Variants in CRIM1 observed in about 807,000 individuals in gnomAD.
CRIM1 encodes the protein cysteine-rich motor neuron 1 protein.
A neutral mutation model predicts 116.4 loss-of-function variants in CRIM1; 32 were observed. That is an observed-to-expected ratio of 0.27 (90% CI 0.21 to 0.37). The LOEUF (loss-of-function observed/expected upper bound fraction) is 0.37. Ranked by LOEUF, CRIM1 falls within the 10% of genes least tolerant of loss-of-function variation. CRIM1 has a pLI of 1.00. For synonymous variants in CRIM1, 590 were observed against 509.2 expected, an observed-to-expected ratio of 1.16 and a Z score of -2.13; for missense variants, 1,331 against 1,354.8, an observed-to-expected ratio of 0.98 and a Z score of 0.28.
chr2:36,513,540 C>A lies in CRIM1; in HGVS notation c.1781-16C>A, dbSNP rs750061861. ...CAGTAGCCACTTCTTTACCAGGCTGCCTTTTGTCTGTCCAGAGGCCTCTGC... is the reference window on the plus strand; with the variant it reads ...CAGTAGCCACTTCTTTACCAGGCTGACTTTTGTCTGTCCAGAGGCCTCTGC... On this transcript the variant is annotated splice_polypyrimidine_tract_variant and intron_variant, in intron 10 of 16. Transcript: ENST00000280527. The A allele has an allele frequency of 1.2e-6, 2 of 1,611,942 alleles. No individual in the cohort carries two copies. Among genetic ancestry groups the A allele is most frequent in the South Asian group, 2.2e-5 (2 of 91,000 alleles).
intron 7 of CRIM1, among the ~76,000 whole-genome samples, chr2:36,488,014 T>C (rs558871088): frequency 4.6e-5 from 7 of 152,330 alleles, no homozygotes; most frequent in Non-Finnish European, 8.8e-5. Flanking sequence ...TTTAGTATTT[T>C]AGTTATCCAA....
At chr2:36,382,705 G>T (rs73922897) in intron 1 of CRIM1, among the ~76,000 whole-genome samples, 2,136 of 152,326 alleles carry the variant, frequency 0.014, 61 homozygotes, top group African/African-American at 0.049. Context: ...GTTGGCCTGT[G>T]TCTCCTGGCT....
At chr2:36,445,672 C>A (rs1676185122) in intron 4 of CRIM1, among the ~76,000 whole-genome samples, 1 of 152,010 alleles carries the variant, frequency 6.6e-6, no homozygotes, top group Non-Finnish European at 1.5e-5. Context: ...TGGCTTAGAC[C>A]CATTCAGCCT....
At chr2:36,516,733 T>A (rs1234761866) in intron 11 of CRIM1, among the ~76,000 whole-genome samples, 1 of 152,136 alleles carries the variant, frequency 6.6e-6, no homozygotes, top group East Asian at 1.9e-4. Context: ...AGCATAAAAG[T>A]ACTCAGGATC....
rs1331063217 is a variant in CRIM1, at chr2:36,513,581, C to A, written c.1806C>A (p.Pro602=). 1 of 1,614,144 alleles carries A rather than the reference C, an allele frequency of 6.2e-7. No homozygotes were observed. The highest frequency in any genetic ancestry group is 1.1e-5 in the South Asian group (1 of 91,066). ...AGGCCTCTGCTTCAGCTGGGCCACC[C>A]ATCCTGTCGGGCACTTGTCTCACCG... ...CREASASAGP[P]ILSGTCLTVD... is the part of the protein sequence containing the mutation. The change falls in exon 11 of 17, where the codon CCC becomes CCA. Residue 602 remains proline, a synonymous_variant. Coordinates refer to ENST00000280527, the MANE Select transcript of CRIM1 (RefSeq NM_016441.3).
chr2:36,413,613 T>C (rs574348974), intron 2 of CRIM1, among the ~76,000 whole-genome samples: 1 of 152,174 alleles, frequency 6.6e-6, no homozygotes, highest in South Asian at 2.1e-4. Flanking sequence ...AAATTGCGTA[T>C]AAAATTAGAT....
At chr2:36,444,905 C>T (rs940175076) in intron 4 of CRIM1, among the ~76,000 whole-genome samples, 1 of 152,140 alleles carries the variant, frequency 6.6e-6, no homozygotes, top group East Asian at 1.9e-4. Flanking sequence ...ACTCTTCGGC[C>T]CCTGAAGATG....
intron 8 of CRIM1, among the ~76,000 whole-genome samples, chr2:36,501,736 C>CAA (rs57220540): frequency 2.7e-5 from 4 of 147,972 alleles, no homozygotes; most frequent in African/African-American, 9.9e-5. Flanking sequence ...AACTAACAAA[C>CAA]AAAAAAAAAA....
chr2:36,391,144 T>C (rs1671558194), intron 1 of CRIM1, among the ~76,000 whole-genome samples: 1 of 78,650 alleles, frequency 1.3e-5, no homozygotes, highest in Non-Finnish European at 2.4e-5. Flanking sequence ...TTTTTTTTTT[T>C]TTTGAGTTGG....
In CRIM1 at chr2:36,356,244, C is replaced by T. The variant is rs1668783107; in HGVS notation, c.-49C>T. The stretch of plus-strand genomic sequence containing the variant: ...TGCCCCGCGCAGGGGAGGGCGCCCG[C>T]CCCGCTCCCGGCCCGGCTGCGAGGA... On this transcript the variant is annotated 5_prime_UTR_variant, in exon 1 of 17. Coordinates refer to ENST00000280527, the MANE Select transcript of CRIM1 (RefSeq NM_016441.3). This position sits in a 1 kb window ranked among gnomAD's most constrained non-coding sequence, Gnocchi z 4.3. The T allele has an allele frequency of 8.5e-7, 1 of 1,174,680 alleles. No individual in the cohort carries two copies. The highest frequency in any genetic ancestry group is 1.6e-5 in the African/African-American group (1 of 61,238). 72.8% of individuals were successfully genotyped at this position (1,174,680 alleles called of 1,614,324 possible).
chr2:36,527,831 T>C (rs1042631295), intron 13 of CRIM1, among the ~76,000 whole-genome samples: 7 of 152,220 alleles, frequency 4.6e-5, no homozygotes, highest in Admixed American at 2.0e-4. Context: ...CCCACCTTCA[T>C]TGGAACATTT....
chr2:36,439,943 G>C (rs994973260), intron 2 of CRIM1, among the ~76,000 whole-genome samples: 5 of 152,188 alleles, frequency 3.3e-5, no homozygotes, highest in Non-Finnish European at 7.3e-5. Flanking sequence ...AGCAACAGGT[G>C]CTCAGTCAAT....
chr2:36,485,987 G>A (rs563788384), intron 7 of CRIM1, among the ~76,000 whole-genome samples: 2 of 152,132 alleles, frequency 1.3e-5, no homozygotes, highest in Admixed American at 1.3e-4. Flanking sequence ...CAAATGCGTA[G>A]CAAATGACTG....
At chr2:36,468,136 C>T (rs1312238995) in intron 5 of CRIM1, among the ~76,000 whole-genome samples, 1 of 152,232 alleles carries the variant, frequency 6.6e-6, no homozygotes, top group Non-Finnish European at 1.5e-5. Flanking sequence ...GTTCAGAAGA[C>T]TGTGGGTAGA....
intron 7 of CRIM1, among the ~76,000 whole-genome samples, chr2:36,497,567 T>A (rs1558370898): frequency 6.6e-6 from 1 of 152,290 alleles, no homozygotes; most frequent in East Asian, 1.9e-4. Flanking sequence ...CTTTAGTTAT[T>A]TTTTGATGTT....
chr2:36,477,072 G>GTAAGAAAAGGTGCTAATTACAGAT lies in CRIM1; in HGVS notation c.1174+5_1174+28dup. The GTAAGAAAAGGTGCTAATTACAGAT allele has an allele frequency of 6.2e-7, 1 of 1,603,198 alleles. No homozygotes were observed. The highest frequency in any genetic ancestry group is 8.5e-7 in the Non-Finnish European group (1 of 1,175,234). On this transcript the variant is annotated splice_donor_variant, in intron 6 of 16. Transcript: ENST00000280527. LOFTEE classifies it high-confidence loss of function. ...GGAGAGTGCTGCCCAGTGTGTGAAG[G>GTAAGAAAAGGTGCTAATTACAGAT]TAAGAAAAGGTGCTAATTACAGATT...
At chr2:36,397,834 A>T (rs1672136187) in intron 2 of CRIM1, among the ~76,000 whole-genome samples, 1 of 152,192 alleles carries the variant, frequency 6.6e-6, no homozygotes, top group Non-Finnish European at 1.5e-5. Context: ...AAACAATAGA[A>T]ATAACATTTG....
chr2:36,472,960 C>T (rs1212863223), intron 5 of CRIM1, among the ~76,000 whole-genome samples: 1 of 152,028 alleles, frequency 6.6e-6, no homozygotes, highest in Admixed American at 6.5e-5. Context: ...ATGTTGTATC[C>T]ATGTAGCACT....
intron 4 of CRIM1, among the ~76,000 whole-genome samples, chr2:36,455,748 A>C (rs13424346): frequency 6.6e-6 from 1 of 152,170 alleles, no homozygotes; most frequent in Non-Finnish European, 1.5e-5. Context: ...TCTTTAGGGG[A>C]GAGCCAGGTA....
Sources: gnomAD v4.1 joint callset for allele counts (sites outside exome capture counted in the v4.1 genomes callset) on GRCh38, gnomAD v4.1.1 for gene constraint, Gnocchi (gnomAD v3.1) non-coding constraint, MANE v1.5 for transcripts, NCBI Gene and HGNC (gene_info 2026-07-23, HGNC 2026-07-21) for gene names.